NNMT: variants seen among roughly 807,000 people sequenced by gnomAD.
NNMT encodes the protein nicotinamide N-methyltransferase.
A neutral mutation model predicts 11.7 loss-of-function variants in NNMT; 10 were observed. That is an observed-to-expected ratio of 0.85 (90% CI 0.53 to 1.45). NNMT has a LOEUF of 1.45. Among genes scored for constraint, NNMT ranks in the 40% most tolerant of loss-of-function variants. NNMT has a pLI of 0.00. For synonymous variants in NNMT, 143 were observed against 133.8 expected, an observed-to-expected ratio of 1.07 and a Z score of -0.48; for missense variants, 381 against 319.4, an observed-to-expected ratio of 1.19 and a Z score of -1.47.
chr11:114,293,098 C>T (rs940002618), upstream of NNMT, among the ~76,000 whole-genome samples: 2 of 152,152 alleles, frequency 1.3e-5, no homozygotes, highest in Non-Finnish European at 2.9e-5. Flanking sequence ...CAACTTACAT[C>T]TTTGGACTTT....
At chr11:114,272,084 C>G (rs1023346390) in intron 2 of NNMT, among the ~76,000 whole-genome samples, 1 of 151,960 alleles carries the variant, frequency 6.6e-6, no homozygotes, top group African/African-American at 2.4e-5. Context: ...GCTGGGCTTG[C>G]GGGGATGGTT....
At chr11:114,296,984 C>A (rs1024644405) in intron 1 of NNMT, among the ~76,000 whole-genome samples, 2 of 152,182 alleles carry the variant, frequency 1.3e-5, no homozygotes, top group Non-Finnish European at 1.5e-5. Context: ...TTGAGGGAGA[C>A]TTTTAGCCTC....
intron 2 of NNMT, among the ~76,000 whole-genome samples, chr11:114,276,131 T>G (rs1461728495): frequency 2.0e-5 from 2 of 101,164 alleles, no homozygotes; most frequent in African/African-American, 4.4e-5. Flanking sequence ...CCTGGGTACC[T>G]GCCAAGGCAC....
At chr11:114,258,666 A>T (rs1199542052) in intron 1 of NNMT, among the ~76,000 whole-genome samples, 2 of 152,152 alleles carry the variant, frequency 1.3e-5, no homozygotes, top group Admixed American at 6.5e-5. Flanking sequence ...CGCTCCCTAG[A>T]TGAGAGTCCC....
At chr11:114,288,039 G>T (rs987356663) in intron 2 of NNMT, among the ~76,000 whole-genome samples, 4 of 152,090 alleles carry the variant, frequency 2.6e-5, no homozygotes, top group Non-Finnish European at 5.9e-5. Flanking sequence ...TATAGCTGTT[G>T]CTGATTAGAA....
At chr11:114,307,025 A>G (rs1945498315) in intron 2 of NNMT, among the ~76,000 whole-genome samples, 1 of 152,202 alleles carries the variant, frequency 6.6e-6, no homozygotes, top group Non-Finnish European at 1.5e-5. Context: ...CTTTTTCAAA[A>G]CCAGGATCTT....
intron 2 of NNMT, among the ~76,000 whole-genome samples, chr11:114,284,442 G>GTTT: frequency 6.6e-6 from 1 of 152,110 alleles, no homozygotes; most frequent in Admixed American, 6.5e-5. Flanking sequence ...CCCCAACATG[G>GTTT]TTTTTTTTGT....
At chr11:114,259,950 C>T (rs1274038460) in intron 1 of NNMT, among the ~76,000 whole-genome samples, 2 of 152,176 alleles carry the variant, frequency 1.3e-5, no homozygotes, top group Admixed American at 6.5e-5. Flanking sequence ...CCCCCTTACC[C>T]ACCACCCTGA....
upstream of NNMT, among the ~76,000 whole-genome samples, chr11:114,291,784 C>T (rs576788376): frequency 1.3e-5 from 2 of 152,224 alleles, no homozygotes; most frequent in East Asian, 3.9e-4. Context: ...GCATTTGCCA[C>T]CTCTGTTACA....
chr11:114,311,964 C>G, intron 2 of NNMT, 81 bp from the exon 3 acceptor site: 1 of 1,436,050 alleles, frequency 7.0e-7, no homozygotes. Flanking sequence ...GACAATACGG[C>G]CATTTTTAGC....
chr11:114,296,698 A>G lies in NNMT; in HGVS notation c.142A>G (p.Ile48Val). 1 of 1,614,172 alleles carries G rather than the reference A, an allele frequency of 6.2e-7. No individual in the cohort carries two copies. The highest frequency in any genetic ancestry group is 8.5e-7 in the Non-Finnish European group (1 of 1,180,004). ...GCACCTTCTGAAAAATCTTTTCAAGATATTCTGCCTAGGTAAGTCTGTTGT... is the reference window on the plus strand; with the variant it reads ...GCACCTTCTGAAAAATCTTTTCAAGGTATTCTGCCTAGGTAAGTCTGTTGT... ...LKHLLKNLFK[I>V]FCLDGVKGDL... is the part of the protein sequence containing the mutation. Residue 48 changes from isoleucine (I) to valine (V), a missense_variant, in exon 1 of 3, where the codon ATA becomes GTA. Ile to Val is a conservative substitution (Grantham distance 29). Coordinates refer to ENST00000299964, the MANE Select transcript of NNMT (RefSeq NM_006169.3).
At chr11:114,299,168 T>C (rs1945413565) in intron 2 of NNMT, among the ~76,000 whole-genome samples, 2 of 152,224 alleles carry the variant, frequency 1.3e-5, no homozygotes, top group South Asian at 2.1e-4. Flanking sequence ...CAATATTGAA[T>C]AGAAATGATG....
intron 2 of NNMT, among the ~76,000 whole-genome samples, chr11:114,279,648 T>G (rs1046248974): frequency 1.2e-4 from 19 of 152,176 alleles, no homozygotes; most frequent in Non-Finnish European, 2.6e-4. Context: ...GGGCTCCCTA[T>G]GCCAGAGCAG....
rs757020210 is a variant in NNMT, at chr11:114,296,575, T to G, written c.19T>G (p.Ser7Ala). 6.8e-6 allele frequency: 11 copies of G among 1,613,908 alleles called. No individual in the cohort carries two copies. The highest frequency in any genetic ancestry group is 5.5e-5 in the South Asian group (5 of 91,088). The change falls in exon 1 of 3, where the codon TCC (serine) becomes GCC (alanine). Residue 7 changes from serine (S) to alanine (A), a missense_variant. Physicochemically the swap from Ser to Ala is moderately conservative, Grantham distance 99. Coordinates refer to ENST00000299964, the MANE Select transcript of NNMT (RefSeq NM_006169.3). ...AGACATAATGGAATCAGGCTTCACCTCCAAGGACACCTATCTAAGCCATTT... is the reference window on the plus strand; with the variant it reads ...AGACATAATGGAATCAGGCTTCACCGCCAAGGACACCTATCTAAGCCATTT... MESGFT[S>A]KDTYLSHFNP...
At chr11:114,273,960 A>G (rs1333799256) in intron 2 of NNMT, among the ~76,000 whole-genome samples, 2 of 152,228 alleles carry the variant, frequency 1.3e-5, no homozygotes, top group African/African-American at 4.8e-5. Flanking sequence ...ATCTCTGAAC[A>G]GGTAATTTAC....
intron 2 of NNMT, among the ~76,000 whole-genome samples, chr11:114,273,452 G>A (rs1014061554): frequency 9.2e-5 from 14 of 152,184 alleles, no homozygotes; most frequent in Admixed American, 5.2e-4. Context: ...GTCAAGATAG[G>A]AATAAGAGAC....
At chr11:114,294,307 G>C (rs139241895), upstream of NNMT, among the ~76,000 whole-genome samples, 1 of 151,808 alleles carries the variant, frequency 6.6e-6, no homozygotes, top group Non-Finnish European at 1.5e-5. Context: ...ATGAAACCCC[G>C]TCTCTACTAA....
At chr11:114,270,432 A>C (rs1945160950) in intron 2 of NNMT, 1 of 152,188 alleles carries the variant, frequency 6.6e-6, no homozygotes, top group Non-Finnish European at 1.5e-5. Context: ...CAATGCTTTG[A>C]TGGTTGTTTC....
At position 114,313,436 on chromosome 11, in the gene NNMT, G is replaced by A. The variant is rs561505300; in HGVS notation, c.*959G>A. ...GCGGAGGTTGCAATGAACTGAGATC[G>A]CACCACTGTGTTCCAGACAGAGTGC... is the stretch of plus-strand genomic sequence containing the variant. On this transcript the variant is annotated 3_prime_UTR_variant, in exon 3 of 3. Transcript: ENST00000299964. Among the ~76,000 whole-genome samples, 14 of 152,184 alleles carry A rather than the reference G, an allele frequency of 9.2e-5. No individual in the cohort carries two copies. In the East Asian group the frequency reaches 1.9e-3, roughly 21 times the overall value.
Sources: allele counts gnomAD v4.1 joint callset (sites outside exome capture counted in the v4.1 genomes callset), GRCh38; gene constraint gnomAD v4.1.1; transcripts MANE v1.5; gene names NCBI Gene and HGNC (gene_info 2026-07-23, HGNC 2026-07-21).